Variants in LAMB1 observed in about 807,000 individuals in gnomAD.
LAMB1 encodes laminin subunit beta-1.
In LAMB1, 121 loss-of-function variants were observed where a neutral mutation model predicts 222.3. The ratio of observed to expected loss-of-function variants is 0.54; its 90% CI spans 0.47 to 0.63. LAMB1 has a LOEUF of 0.63. LAMB1 is among the 30% of genes least tolerant of loss of function. LAMB1 has a pLI of 0.00. For synonymous variants in LAMB1, 794 were observed against 807.2 expected, an observed-to-expected ratio of 0.98 and a Z score of 0.28; for missense variants, 2,172 against 2,240.8, an observed-to-expected ratio of 0.97 and a Z score of 0.62.
Position 107,964,601 on chromosome 7 carries a change from G to A in LAMB1, c.1649C>T (p.Ala550Val). The part of the protein sequence containing the change: ...CNEVEPGYYF[A>V]TLDHYLYEAE... ...TTCATAGAGGTAGTGATCCAGGGTG[G>A]CAAAGTAGTAACCAGGTTCCACTTC... The change falls in exon 14 of 34, where the codon GCC becomes GTC. Residue 550 changes from alanine (A) to valine (V), a missense_variant. Transcript: ENST00000222399. 6.2e-7 allele frequency: 1 copy of A among 1,614,156 alleles called. No individual in the cohort carries two copies. Among genetic ancestry groups the A allele is most frequent in the African/African-American group, 1.3e-5 (1 of 75,016 alleles).
chr7:107,956,664 T>C (rs374130257), intron 20 of LAMB1, among the ~76,000 whole-genome samples: 246 of 152,318 alleles, frequency 1.6e-3, no homozygotes, highest in African/African-American at 4.0e-3. Flanking sequence ...AGAGGGGTGA[T>C]GTGTTGGCAA....
At chr7:107,962,646 G>A (rs955891161) in intron 15 of LAMB1, among the ~76,000 whole-genome samples, 23 of 151,014 alleles carry the variant, frequency 1.5e-4, no homozygotes, top group Admixed American at 2.6e-4. Context: ...CCCGGGAGGC[G>A]GAGATTGCAG....
chr7:107,961,809 C>T, intron 15 of LAMB1, 133 bp from the exon 16 acceptor site: 2 of 999,822 alleles, frequency 2.0e-6, no homozygotes, highest in South Asian at 1.6e-5. Flanking sequence ...CTCTTTACTA[C>T]TACCTCTGCT....
Position 107,994,960 on chromosome 7 carries a change from C to T in LAMB1, c.350G>A (p.Gly117Asp). The T allele has an allele frequency of 6.5e-7, 1 of 1,548,908 alleles. No homozygotes were observed. The highest frequency in any genetic ancestry group is 8.9e-7 in the Non-Finnish European group (1 of 1,124,632). The change falls in exon 5 of 34, where the codon GGT becomes GAT. Residue 117 changes from glycine (G) to aspartate (D), a missense_variant and splice_region_variant. Transcript: ENST00000222399. ...CAGTTGGATAGTTACATTTTCCACA[C>T]CTACAGGAGATTTAAAAAAAATAAA... ...RLKIWWQSEN[G>D]VENVTIQLDL...
At chr7:108,002,812 G>A (rs759650034) in intron 2 of LAMB1, 37 bp downstream of exon 2, 1 of 1,613,892 alleles carries the variant, frequency 6.2e-7, no homozygotes, top group East Asian at 2.2e-5. Flanking sequence ...CCATGCCCAA[G>A]TCCGTCCGCC....
chr7:107,997,756 T>C (rs2034307602), intron 4 of LAMB1, among the ~76,000 whole-genome samples: 1 of 152,158 alleles, frequency 6.6e-6, no homozygotes, highest in Non-Finnish European at 1.5e-5. Flanking sequence ...AATAGTAAAA[T>C]CATATTTGAT....
rs756136311 is a variant in LAMB1 at position 107,959,348 on chromosome 7, C to G, written c.2591G>C (p.Cys864Ser). Residue 864 changes from cysteine (C) to serine (S), a missense_variant, in exon 20 of 34, where the codon TGC becomes TCC. Transcript: ENST00000222399. ...CLPGHWGFPS[C>S]QPCQCNGHAD... The stretch of plus-strand genomic sequence containing the variant: ...GTGGCCATTGCACTGGCAGGGCTGG[C>G]AACTTGGAAAGCCCCAGTGCCCAGG... 5.0e-6 allele frequency: 8 copies of G among 1,614,246 alleles called. No individual in the cohort carries two copies. In the Admixed American group the frequency reaches 1.3e-4, roughly 27 times the overall value.
intron 5 of LAMB1, among the ~76,000 whole-genome samples, chr7:107,989,341 A>G (rs1442308541): frequency 6.6e-6 from 1 of 152,160 alleles, no homozygotes; most frequent in Non-Finnish European, 1.5e-5. Context: ...AGAAAACAGA[A>G]CCTAAATAAA....
intron 31 of LAMB1, among the ~76,000 whole-genome samples, chr7:107,927,173 A>C (rs2032585807): frequency 6.6e-6 from 1 of 152,230 alleles, no homozygotes; most frequent in South Asian, 2.1e-4. Flanking sequence ...CATAGGCTAA[A>C]ATTTGTAAAT....
intron 8 of LAMB1, among the ~76,000 whole-genome samples, chr7:107,979,034 C>G (rs2033922953): frequency 6.6e-6 from 1 of 152,174 alleles, no homozygotes; most frequent in Non-Finnish European, 1.5e-5. Flanking sequence ...CCTGTTATTA[C>G]CAGGTGGTTT....
intron 21 of LAMB1, among the ~76,000 whole-genome samples, chr7:107,954,654 G>A (rs1427943789): frequency 1.3e-5 from 2 of 152,160 alleles, no homozygotes; most frequent in East Asian, 3.9e-4. Context: ...GGTGGGGCAT[G>A]GTGGCAGGTG....
intron 24 of LAMB1, among the ~76,000 whole-genome samples, chr7:107,949,608 A>G (rs1226214708): frequency 6.6e-6 from 1 of 152,222 alleles, no homozygotes; most frequent in Non-Finnish European, 1.5e-5. Context: ...TCTCATTAAG[A>G]ACCAAATTTG....
chr7:107,978,986 C>T (rs768163037), intron 8 of LAMB1, among the ~76,000 whole-genome samples: 2 of 152,166 alleles, frequency 1.3e-5, no homozygotes, highest in Admixed American at 1.3e-4. Context: ...CCTCCTGGAC[C>T]CACCTTGGTG....
At chr7:107,943,703 A>C (rs1386728017) in intron 24 of LAMB1, among the ~76,000 whole-genome samples, 1 of 152,162 alleles carries the variant, frequency 6.6e-6, no homozygotes, top group Admixed American at 6.6e-5. Context: ...TCACGTTCCC[A>C]GGAGATACTG....
At chr7:107,964,012 G>A (rs1020392450) in intron 14 of LAMB1, among the ~76,000 whole-genome samples, 1 of 152,194 alleles carries the variant, frequency 6.6e-6, no homozygotes, top group African/African-American at 2.4e-5. Flanking sequence ...CAGGAGAATC[G>A]CTTCAACCCA....
At chr7:107,947,792 T>C (rs1459023796) in intron 24 of LAMB1, among the ~76,000 whole-genome samples, 1 of 152,128 alleles carries the variant, frequency 6.6e-6, no homozygotes, top group African/African-American at 2.4e-5. Flanking sequence ...GTGGGACATT[T>C]ATTATTATTG....
In LAMB1 at chr7:107,935,528, C is replaced by G. The variant is rs200248912; in HGVS notation, c.4075G>C (p.Val1359Leu). 2 of 1,613,898 alleles carry G rather than the reference C, an allele frequency of 1.2e-6. No homozygotes were observed. The highest frequency in any genetic ancestry group is 1.7e-6 in the Non-Finnish European group (2 of 1,179,976). The stretch of plus-strand genomic sequence containing the variant: ...AACTGGGATTCTCGCTCCATCATCA[C>G]GTCTTCTACTCTGTCTCTCATGAGG... ...SALMRDRVED[V>L]MMERESQFKE... The change falls in exon 27 of 34, where the codon GTG (valine) becomes CTG (leucine). Residue 1359 changes from valine (V) to leucine (L), a missense_variant. Coordinates refer to ENST00000222399, the MANE Select transcript of LAMB1 (RefSeq NM_002291.3).
At chr7:107,960,847 T>C (rs942070140) in intron 17 of LAMB1, among the ~76,000 whole-genome samples, 198 bp from the exon 18 acceptor site, 1 of 152,208 alleles carries the variant, frequency 6.6e-6, no homozygotes, top group African/African-American at 2.4e-5. Flanking sequence ...CACAGCTTGA[T>C]GGCTTTTAAA....
chr7:107,930,321 A>G (rs549613317), intron 29 of LAMB1, among the ~76,000 whole-genome samples: 3 of 152,394 alleles, frequency 2.0e-5, no homozygotes, highest in East Asian at 3.8e-4. Flanking sequence ...GTTTTAAACT[A>G]TTGAACATAA....
Sources: gnomAD v4.1 joint callset for allele counts (sites outside exome capture counted in the v4.1 genomes callset) on GRCh38, gnomAD v4.1.1 for gene constraint, MANE v1.5 for transcripts, NCBI Gene and HGNC (gene_info 2026-07-23, HGNC 2026-07-21) for gene names.